ARID1A: variants seen among roughly 807,000 people sequenced by gnomAD.
ARID1A encodes the protein AT-rich interactive domain-containing protein 1A.
A neutral mutation model predicts 212.6 loss-of-function variants in ARID1A; 20 were observed. The observed-to-expected ratio is 0.09, with a 90% CI of 0.07 to 0.14. The LOEUF (loss-of-function observed/expected upper bound fraction) is 0.14. Among genes scored for constraint, ARID1A ranks in the 10% least tolerant of loss-of-function variants. ARID1A has a pLI of 1.00. For synonymous variants in ARID1A, 1,376 were observed against 1,222.1 expected (o/e 1.13, Z -2.63); for missense variants, 2,587 against 3,059.0 (o/e 0.85, Z 3.64).
chr1:26,730,781 C>A (rs1156387199), intron 2 of ARID1A, among the ~76,000 whole-genome samples: 2 of 152,168 alleles, frequency 1.3e-5, no homozygotes, highest in African/African-American at 2.4e-5. Context: ...AGCCAGGCTG[C>A]TATTGACTAT....
intron 1 of ARID1A, among the ~76,000 whole-genome samples, chr1:26,707,980 C>T (rs992865664): frequency 4.6e-5 from 7 of 152,284 alleles, no homozygotes; most frequent in African/African-American, 1.7e-4. Context: ...ATTATTTTTA[C>T]AATAGCCTGA....
intron 1 of ARID1A, among the ~76,000 whole-genome samples, chr1:26,724,083 T>C (rs994876036): frequency 1.3e-5 from 2 of 152,174 alleles, no homozygotes; most frequent in African/African-American, 4.8e-5. Flanking sequence ...GGATGCATTT[T>C]TTTAATTATT....
chr1:26,761,382 A>G lies in ARID1A; in HGVS notation c.2162-2A>G, dbSNP rs2080990612. 6.2e-7 allele frequency: 1 copy of G among 1,614,028 alleles called. No individual in the cohort carries two copies. The highest frequency in any genetic ancestry group is 1.3e-5 in the African/African-American group (1 of 74,948). ...GCTTATGTTGTTCTTTGTCTGGAGC[A>G]GGCAACCAGATGCCACCTCGGCCAC... On this transcript the variant is annotated splice_acceptor_variant, in intron 5 of 19. Coordinates refer to ENST00000324856, the MANE Select transcript of ARID1A (RefSeq NM_006015.6). LOFTEE classifies it high-confidence loss of function.
At chr1:26,744,384 G>C (rs531781124) in intron 4 of ARID1A, among the ~76,000 whole-genome samples, 1 of 152,138 alleles carries the variant, frequency 6.6e-6, no homozygotes, top group Non-Finnish European at 1.5e-5. Context: ...GTTTCCTTCG[G>C]AACAGCCTCA....
intron 1 of ARID1A, among the ~76,000 whole-genome samples, chr1:26,706,107 G>A (rs568439410): frequency 1.1e-4 from 17 of 152,318 alleles, no homozygotes; most frequent in Non-Finnish European, 2.1e-4. Flanking sequence ...GGCCCAAAGC[G>A]CTGCTTGAAT....
intron 1 of ARID1A, among the ~76,000 whole-genome samples, chr1:26,706,271 C>A (rs539668910): frequency 6.6e-6 from 1 of 152,168 alleles, no homozygotes; most frequent in African/African-American, 2.4e-5. Flanking sequence ...TCATGATTTT[C>A]CATGGCTCAT....
chr1:26,719,183 A>G (rs1191853224), intron 1 of ARID1A, among the ~76,000 whole-genome samples: 5 of 152,176 alleles, frequency 3.3e-5, no homozygotes, highest in Admixed American at 3.3e-4. Flanking sequence ...TTGTATACAT[A>G]TCTCTTATCT....
At position 26,774,728 on chromosome 1, in the gene ARID1A, C is replaced by G. The variant is rs759751306; in HGVS notation, c.4501C>G (p.Arg1501Gly). ...TCAGCAAGGCACCATGTGGCAGGGG[C>G]GTAATGACATGACCTATAATTATGC... ...VAQQGTMWQGRNDMTYNYANR... is the reference protein window; with the variant it reads ...VAQQGTMWQGGNDMTYNYANR... The change falls in exon 18 of 20, where the codon CGT (arginine) becomes GGT (glycine). Residue 1501 changes from arginine (R) to glycine (G), a missense_variant. Transcript: ENST00000324856. This position sits in a 1 kb window ranked among gnomAD's most constrained non-coding sequence, Gnocchi z 5.6. 6.2e-7 allele frequency: 1 copy of G among 1,614,224 alleles called. No homozygotes were observed. Among genetic ancestry groups the G allele is most frequent in the Non-Finnish European group, 8.5e-7 (1 of 1,180,048 alleles).
At chr1:26,775,951 G>T (rs2081131031) in intron 19 of ARID1A, 1 of 636,818 alleles carries the variant, frequency 1.6e-6, no homozygotes, top group African/African-American at 1.8e-5. Flanking sequence ...ACACTTTGTG[G>T]TATTAGTAAG....
rs757247033 is a variant in ARID1A, at chr1:26,779,216, TAGAAGAGGAAGA to T, written c.5330_5341del (p.Glu1777_Glu1780del). ...GAAGAAGAACTTCTAGGTCCTAAAC[TAGAAGAGGAAGA>T]AGAAGAGGAAGTAGTTGAAAATGAT... On this transcript the variant is annotated inframe_deletion, in exon 20 of 20. Transcript: ENST00000324856. The T allele has an allele frequency of 2.5e-6, 4 of 1,613,646 alleles. No homozygotes were observed. The highest frequency in any genetic ancestry group is 1.7e-4 in the Middle Eastern group (1 of 6,060).
At chr1:26,734,291 A>G (rs2080707682) in intron 4 of ARID1A, among the ~76,000 whole-genome samples, 1 of 151,608 alleles carries the variant, frequency 6.6e-6, no homozygotes, top group South Asian at 2.1e-4. Flanking sequence ...GCTTCATTCC[A>G]AAAAGTTTTT....
intron 1 of ARID1A, 129 bp from the exon 2 acceptor site, chr1:26,729,522 C>G: frequency 9.2e-7 from 1 of 1,081,148 alleles, no homozygotes; most frequent in Non-Finnish European, 1.4e-6. Flanking sequence ...AGGTTGGTCT[C>G]ATTGCTCTTT....
At chr1:26,734,129 G>T (rs1256586173) in intron 4 of ARID1A, among the ~76,000 whole-genome samples, 1 of 152,152 alleles carries the variant, frequency 6.6e-6, no homozygotes, top group African/African-American at 2.4e-5. Context: ...ATCCTTTTCT[G>T]CATCCTGAAC....
Position 26,696,904 on chromosome 1 carries a change from C to A in ARID1A, c.501C>A (p.Ala167=), listed in dbSNP as rs754018917. ...SPSAVAAAAA[A]VFHQQHGGQQ... ...CTGCCGTCGCCGCCGCCGCGGCCGC[C>A]GTCTTCCACCAACAACATGGCGGAC... Residue 167 remains alanine, a synonymous_variant, in exon 1 of 20, where the codon GCC becomes GCA. Transcript: ENST00000324856. The A allele has an allele frequency of 1.4e-6, 2 of 1,385,410 alleles. No homozygotes were observed. The highest frequency in any genetic ancestry group is 1.9e-6 in the Non-Finnish European group (2 of 1,069,922). The allele number at this position is 1,385,410 out of a possible 1,614,324, so 85.8% of individuals were successfully genotyped here.
intron 4 of ARID1A, among the ~76,000 whole-genome samples, chr1:26,744,497 C>G (rs546607524): frequency 6.6e-6 from 1 of 152,136 alleles, no homozygotes; most frequent in African/African-American, 2.4e-5. Context: ...TTAAGCACAC[C>G]GTTTGAATTT....
chr1:26,724,470 G>A (rs2080597878), intron 1 of ARID1A, among the ~76,000 whole-genome samples: 1 of 152,102 alleles, frequency 6.6e-6, no homozygotes, highest in African/African-American at 2.4e-5. Context: ...CACTGCCACG[G>A]GTGGTACATT....
chr1:26,715,728 C>T (rs186593890), intron 1 of ARID1A, among the ~76,000 whole-genome samples: 2 of 152,178 alleles, frequency 1.3e-5, no homozygotes, highest in East Asian at 3.9e-4. Flanking sequence ...ATAAAATATG[C>T]TGGGGAGAGT....
Position 26,760,945 on chromosome 1 carries a change from A to G in ARID1A, c.2010A>G (p.Gln670=), listed in dbSNP as rs757672884. ...GVSTSGISSS[Q]GEQSNPAQSP... The stretch of plus-strand genomic sequence containing the variant: ...GCACATCAGGGATTTCCAGCAGCCA[A>G]GGAGAGCAGAGTAATCCAGCTCAGT... The change falls in exon 5 of 20, where the codon CAA becomes CAG. Residue 670 remains glutamine (Q), a synonymous_variant. Coordinates refer to ENST00000324856, the MANE Select transcript of ARID1A (RefSeq NM_006015.6). 6.2e-7 allele frequency: 1 copy of G among 1,614,082 alleles called. No individual in the cohort carries two copies. Among genetic ancestry groups the G allele is most frequent in the East Asian group, 2.2e-5 (1 of 44,876 alleles).
intron 4 of ARID1A, among the ~76,000 whole-genome samples, chr1:26,751,268 A>G (rs942530118): frequency 1.3e-5 from 2 of 151,312 alleles, no homozygotes. Flanking sequence ...AAAAAAGGAC[A>G]GGGGAACACA....
Sources: allele counts gnomAD v4.1 joint callset (sites outside exome capture counted in the v4.1 genomes callset), GRCh38; gene constraint gnomAD v4.1.1; non-coding constraint Gnocchi (gnomAD v3.1); transcripts MANE v1.5; gene names NCBI Gene and HGNC (gene_info 2026-07-23, HGNC 2026-07-21).